Variants in CFAP58 observed in about 807,000 individuals in gnomAD.
CFAP58 encodes the protein cilia and flagella associated protein 58.
In CFAP58, 88 loss-of-function variants were observed where a neutral mutation model predicts 119.5. That is an observed-to-expected ratio of 0.74 (90% CI 0.62 to 0.88). CFAP58 has a LOEUF of 0.88. Among genes scored for constraint, CFAP58 ranks in the 40% least tolerant of loss-of-function variants. CFAP58 has a pLI of 0.00. For synonymous variants in CFAP58, 365 were observed against 366.3 expected (o/e 1.00, Z 0.04); for missense variants, 990 against 1,021.2 (o/e 0.97, Z 0.42).
intron 15 of CFAP58, among the ~76,000 whole-genome samples, chr10:104,445,892 C>A (rs533970910): frequency 6.6e-6 from 1 of 152,312 alleles, no homozygotes; most frequent in South Asian, 2.1e-4. Flanking sequence ...TGAAACATTT[C>A]AAGATGCTTG....
intron 3 of CFAP58, among the ~76,000 whole-genome samples, chr10:104,362,594 C>A (rs1046633541): frequency 1.3e-5 from 2 of 152,152 alleles, no homozygotes; most frequent in Non-Finnish European, 2.9e-5. Flanking sequence ...CCTGCTCCCC[C>A]ATCTCTTAAA....
intron 15 of CFAP58, among the ~76,000 whole-genome samples, chr10:104,430,114 G>T (rs2012820449): frequency 6.6e-6 from 1 of 152,120 alleles, no homozygotes; most frequent in South Asian, 2.1e-4. Flanking sequence ...GGGAAGGGGG[G>T]TTTTAAGTAC....
At chr10:104,403,278 A>G (rs1216061237) in intron 13 of CFAP58, among the ~76,000 whole-genome samples, 2 of 152,274 alleles carry the variant, frequency 1.3e-5, no homozygotes, top group African/African-American at 4.8e-5. Flanking sequence ...GCCACGATGT[A>G]AGATGTTCCT....
In CFAP58 at chr10:104,376,858, G is replaced by A; in HGVS notation, c.1138G>A (p.Asp380Asn). 6.2e-7 allele frequency: 1 copy of A among 1,613,652 alleles called. No homozygotes were observed. ...KQAELDRKAMDELLRERDILN... is the reference protein window; with the variant it reads ...KQAELDRKAMNELLRERDILN... Reference sequence around the variant, plus strand: ...AGCAGAACTTGACAGAAAGGCAATGGACGAGCTTCTAAGAGAAAGGGACAT... The same window carrying A: ...AGCAGAACTTGACAGAAAGGCAATGAACGAGCTTCTAAGAGAAAGGGACAT... Residue 380 changes from aspartate (D) to asparagine (N), a missense_variant, in exon 8 of 18, where the codon GAC (aspartate) becomes AAC (asparagine). Coordinates refer to ENST00000369704, the MANE Select transcript of CFAP58 (RefSeq NM_001008723.2).
rs560435399 is a variant in CFAP58, at chr10:104,370,295, C to T, written c.931-600C>T. Among the ~76,000 whole-genome samples, 10 of 152,268 alleles carry T rather than the reference C, an allele frequency of 6.6e-5. No individual in the cohort carries two copies. The South Asian group carries it at 1.0e-3, about 16-fold the overall frequency. On this transcript the variant is annotated intron_variant, in intron 6 of 17. Coordinates refer to ENST00000369704, the MANE Select transcript of CFAP58 (RefSeq NM_001008723.2). ...TAGATGGTGTATTAGTTCATTTTCACGCTGCTGATAAAGACACACCCAAGA... is the reference window on the plus strand; with the variant it reads ...TAGATGGTGTATTAGTTCATTTTCATGCTGCTGATAAAGACACACCCAAGA...
At chr10:104,393,091 G>A (rs1369761024) in intron 10 of CFAP58, among the ~76,000 whole-genome samples, 1 of 152,132 alleles carries the variant, frequency 6.6e-6, no homozygotes, top group African/African-American at 2.4e-5. Flanking sequence ...AGGTGTGTGC[G>A]TGTGATGTTC....
intron 6 of CFAP58, among the ~76,000 whole-genome samples, chr10:104,370,449 G>T (rs1040278427): frequency 6.6e-6 from 1 of 152,160 alleles, no homozygotes; most frequent in African/African-American, 2.4e-5. Context: ...CAGGCAAAGG[G>T]AGAGAACTTG....
chr10:104,426,437 C>T lies in CFAP58; in HGVS notation c.2256+19644C>T, dbSNP rs1041260841. Among the ~76,000 whole-genome samples the T allele has an allele frequency of 7.9e-5, 12 of 151,956 alleles. No individual in the cohort carries two copies. In the East Asian group the frequency reaches 2.1e-3, roughly 27 times the overall value. ...TCCTCCCACACCTCCTTCCCCCCGC[C>T]GCCTTCCATCATCCTCTCTCCCTCC... On this transcript the variant is annotated intron_variant, in intron 15 of 17. Transcript: ENST00000369704.
chr10:104,370,496 C>A (rs1050211576), intron 6 of CFAP58, among the ~76,000 whole-genome samples: 3 of 152,060 alleles, frequency 2.0e-5, no homozygotes, highest in South Asian at 2.1e-4. Flanking sequence ...CATCAGATCT[C>A]GTGAGACTTA....
At chr10:104,409,284 A>G (rs1303852292) in intron 15 of CFAP58, among the ~76,000 whole-genome samples, 1 of 152,168 alleles carries the variant, frequency 6.6e-6, no homozygotes, top group African/African-American at 2.4e-5. Context: ...TTAAAAGTGT[A>G]TTTTAAATTT....
chr10:104,409,004 G>A (rs1451144165), intron 15 of CFAP58, among the ~76,000 whole-genome samples: 2 of 152,230 alleles, frequency 1.3e-5, no homozygotes, highest in East Asian at 1.9e-4. Flanking sequence ...GGAGGCTGAG[G>A]TGGGAGAATT....
At chr10:104,402,826 G>A (rs2012289472) in intron 13 of CFAP58, among the ~76,000 whole-genome samples, 1 of 152,154 alleles carries the variant, frequency 6.6e-6, no homozygotes, top group Admixed American at 6.5e-5. Flanking sequence ...CTATTAAACA[G>A]AATCCCTGTA....
At chr10:104,375,214 G>T (rs995372496) in intron 7 of CFAP58, among the ~76,000 whole-genome samples, 1 of 150,208 alleles carries the variant, frequency 6.7e-6, no homozygotes. Context: ...CCCTTTTGGG[G>T]TGTATGTGTA....
intron 3 of CFAP58, among the ~76,000 whole-genome samples, chr10:104,364,517 AT>A (rs1425785242): frequency 2.6e-5 from 4 of 151,972 alleles, no homozygotes; most frequent in Non-Finnish European, 4.4e-5. Context: ...AAATAAAAAA[AT>A]AAATTATACT....
chr10:104,442,040 C>T (rs796776849), intron 15 of CFAP58, among the ~76,000 whole-genome samples: 12 of 152,110 alleles, frequency 7.9e-5, no homozygotes, highest in African/African-American at 2.7e-4. Flanking sequence ...TAAATTAGGC[C>T]GTGTTCTAGA....
At chr10:104,391,596 G>A (rs1409948751) in intron 9 of CFAP58, among the ~76,000 whole-genome samples, 1 of 152,154 alleles carries the variant, frequency 6.6e-6, no homozygotes, top group African/African-American at 2.4e-5. Context: ...TTGTTGAGAG[G>A]TATTGACTCA....
At chr10:104,346,841 G>A in the CFAP58 span, among the ~76,000 whole-genome samples, 361 of 151,814 alleles carry the variant, frequency 2.4e-3, 3 homozygotes, top group African/African-American at 7.7e-3. Flanking sequence ...TCACCATGTT[G>A]GCCACGCTGG....
intron 7 of CFAP58, among the ~76,000 whole-genome samples, chr10:104,373,935 T>C (rs1413492066): frequency 6.6e-6 from 1 of 152,184 alleles, no homozygotes; most frequent in East Asian, 1.9e-4. Context: ...GGTAAGGTGT[T>C]GTTTCCTACC....
At chr10:104,424,947 G>C (rs1488170928) in intron 15 of CFAP58, among the ~76,000 whole-genome samples, 1 of 152,168 alleles carries the variant, frequency 6.6e-6, no homozygotes, top group African/African-American at 2.4e-5. Flanking sequence ...CAGTGGCTGA[G>C]AGCTGAGACC....
Sources: gnomAD v4.1 joint callset for allele counts (sites outside exome capture counted in the v4.1 genomes callset) on GRCh38, gnomAD v4.1.1 for gene constraint, MANE v1.5 for transcripts, NCBI Gene and HGNC (gene_info 2026-07-23, HGNC 2026-07-21) for gene names.